Variants in RALGPS2 observed in about 807,000 individuals in gnomAD.
The protein encoded by RALGPS2 is ras-specific guanine nucleotide-releasing factor RalGPS2.
A neutral mutation model predicts 86.8 loss-of-function variants in RALGPS2; 43 were observed. The observed-to-expected ratio is 0.50, with a 90% CI of 0.39 to 0.64. The LOEUF (loss-of-function observed/expected upper bound fraction) is 0.64. RALGPS2 is among the 30% of genes least tolerant of loss of function. RALGPS2 has a pLI of 0.00. For synonymous variants in RALGPS2, 243 were observed against 231.3 expected, an observed-to-expected ratio of 1.05 and a Z score of -0.46; for missense variants, 536 against 694.6, an observed-to-expected ratio of 0.77 and a Z score of 2.57.
intron 8 of RALGPS2, among the ~76,000 whole-genome samples, chr1:178,843,507 G>C (rs1357706326): frequency 2.6e-5 from 3 of 115,622 alleles, no homozygotes; most frequent in African/African-American, 9.6e-5. Flanking sequence ...CTGTGGTGGG[G>C]TGGGGGGAGG....
chr1:178,903,418 T>C (rs555086783), intron 18 of RALGPS2, among the ~76,000 whole-genome samples: 101 of 152,252 alleles, frequency 6.6e-4, no homozygotes, highest in African/African-American at 2.4e-3. Flanking sequence ...AGTTGTTTAG[T>C]GGTGATTTGT....
rs144579375 is a variant in RALGPS2, at chr1:178,797,344, G to C, written c.214-10701G>C. On this transcript the variant is annotated intron_variant, in intron 4 of 19. Coordinates refer to ENST00000367635, the MANE Select transcript of RALGPS2 (RefSeq NM_152663.5). ...TTTTTAATCACAGAGAAATTTAGCAGCTCTTGAGAGGTAGAGGTGGGGCAG... is the reference window on the plus strand; with the variant it reads ...TTTTTAATCACAGAGAAATTTAGCACCTCTTGAGAGGTAGAGGTGGGGCAG... Among the ~76,000 whole-genome samples, 920 of 152,112 alleles carry C rather than the reference G, an allele frequency of 6.0e-3. 10 individuals are homozygous for C. Among genetic ancestry groups the C allele is most frequent in the African/African-American group, 0.021 (875 of 41,498 alleles).
intron 8 of RALGPS2, chr1:178,850,571 T>C (rs1385081932): frequency 6.6e-6 from 1 of 152,094 alleles, no homozygotes; most frequent in Non-Finnish European, 1.5e-5. Context: ...AAAATCAGCA[T>C]AGGATATATT....
chr1:178,774,278 A>G (rs921375513), intron 1 of RALGPS2, among the ~76,000 whole-genome samples: 1 of 152,104 alleles, frequency 6.6e-6, no homozygotes, highest in Non-Finnish European at 1.5e-5. Flanking sequence ...TGTCTCAAAA[A>G]AAAAAATAAA....
intron 7 of RALGPS2, 110 bp downstream of exon 7, chr1:178,821,814 G>A (rs763919296): frequency 7.5e-5 from 67 of 898,642 alleles, no homozygotes; most frequent in Non-Finnish European, 9.3e-5. Context: ...AATCAATAAG[G>A]ATTTTTAAAT....
At chr1:178,732,068 C>T (rs1650399332) in intron 1 of RALGPS2, among the ~76,000 whole-genome samples, 1 of 152,058 alleles carries the variant, frequency 6.6e-6, no homozygotes, top group African/African-American at 2.4e-5. Context: ...AGCTTGAGAA[C>T]GTTCTCATGA....
intron 2 of RALGPS2, among the ~76,000 whole-genome samples, chr1:178,782,359 G>C (rs1653435104): frequency 6.6e-6 from 1 of 152,130 alleles, no homozygotes; most frequent in African/African-American, 2.4e-5. Flanking sequence ...CTTCTAGCAG[G>C]AGGAGGAAAG....
chr1:178,757,869 C>A (rs1347398074), intron 1 of RALGPS2, among the ~76,000 whole-genome samples: 1 of 152,078 alleles, frequency 6.6e-6, no homozygotes, highest in Non-Finnish European at 1.5e-5. Context: ...AAGACTGTTA[C>A]CAGTTTTTCT....
intron 1 of RALGPS2, among the ~76,000 whole-genome samples, chr1:178,759,029 T>C (rs1269933965): frequency 1.3e-5 from 2 of 152,108 alleles, no homozygotes; most frequent in Non-Finnish European, 2.9e-5. Context: ...GTAAGTCGTC[T>C]CTTTGTTGAT....
At chr1:178,801,138 C>T (rs1250205624) in intron 4 of RALGPS2, among the ~76,000 whole-genome samples, 1 of 152,010 alleles carries the variant, frequency 6.6e-6, no homozygotes, top group Non-Finnish European at 1.5e-5. Flanking sequence ...ATTGGTCAGG[C>T]TGGTCTTGAA....
intron 12 of RALGPS2, chr1:178,885,429 T>C (rs1659440415): frequency 4.0e-6 from 2 of 496,118 alleles, no homozygotes; most frequent in Admixed American, 3.9e-5. Flanking sequence ...GCATTTATAT[T>C]TGGGGACGAT....
intron 4 of RALGPS2, among the ~76,000 whole-genome samples, chr1:178,797,738 A>G (rs937963601): frequency 6.6e-6 from 1 of 152,108 alleles, no homozygotes; most frequent in African/African-American, 2.4e-5. Flanking sequence ...TTTGTCATAT[A>G]TGTAGATTTA....
Position 178,759,738 on chromosome 1 carries a change from T to G in RALGPS2, c.-83-16944T>G, listed in dbSNP as rs11526486. On this transcript the variant is annotated intron_variant, in intron 1 of 19. Coordinates refer to ENST00000367635, the MANE Select transcript of RALGPS2 (RefSeq NM_152663.5). ...CCGTTAATATGCAATATCCATTTTT[T>G]TTTGCATCCTCCTCAATTTCTTTCA... Among the ~76,000 whole-genome samples the G allele has an allele frequency of 1.8e-3, 277 of 152,242 alleles. 6 individuals carry two copies. In the East Asian group the frequency reaches 0.047, roughly 26 times the overall value.
chr1:178,863,838 G>A (rs73039856), intron 8 of RALGPS2, among the ~76,000 whole-genome samples: 7,994 of 152,258 alleles, frequency 0.053, 729 homozygotes, highest in African/African-American at 0.18. Context: ...TGTGAATAGC[G>A]AAGTGGTATT....
At chr1:178,904,558 C>T (rs1660313964) in intron 18 of RALGPS2, among the ~76,000 whole-genome samples, 1 of 152,144 alleles carries the variant, frequency 6.6e-6, no homozygotes, top group Admixed American at 6.5e-5. Flanking sequence ...CAGTTTCATT[C>T]TCCTACATGC....
At chr1:178,840,123 A>G (rs1381920495) in intron 8 of RALGPS2, among the ~76,000 whole-genome samples, 1 of 152,310 alleles carries the variant, frequency 6.6e-6, no homozygotes, top group Admixed American at 6.5e-5. Context: ...ATATCCAGGA[A>G]TTGAACTCAG....
At chr1:178,759,600 A>T in intron 1 of RALGPS2, among the ~76,000 whole-genome samples, 1 of 134,820 alleles carries the variant, frequency 7.4e-6, no homozygotes, top group Non-Finnish European at 1.6e-5. Context: ...AAATTTTAGG[A>T]TTGTTTTTTC....
At position 178,732,008 on chromosome 1, in the gene RALGPS2, A is replaced by G. The variant is rs189280453; in HGVS notation, c.-84+6589A>G. Among the ~76,000 whole-genome samples, 194 of 152,252 alleles carry G rather than the reference A, an allele frequency of 1.3e-3. 2 individuals carry two copies. Among genetic ancestry groups the G allele is most frequent in the African/African-American group, 4.3e-3 (178 of 41,554 alleles). On this transcript the variant is annotated intron_variant, in intron 1 of 19. Coordinates refer to ENST00000367635, the MANE Select transcript of RALGPS2 (RefSeq NM_152663.5). ...TTCACCAGGAGTAGGGAGAGTTACT[A>G]TAGAAATAGGAGAGAAGACAAAGTA...
At chr1:178,879,754 A>C (rs953774614) in intron 10 of RALGPS2, 12 of 148,006 alleles carry the variant, frequency 8.1e-5, no homozygotes, top group Admixed American at 6.9e-5. Context: ...GCACCATTGC[A>C]CTCCAGCCTG....
Sources: allele counts gnomAD v4.1 joint callset (sites outside exome capture counted in the v4.1 genomes callset), GRCh38; gene constraint gnomAD v4.1.1; transcripts MANE v1.5; gene names NCBI Gene and HGNC (gene_info 2026-07-23, HGNC 2026-07-21).